Variants in TTC28 observed in about 807,000 individuals in gnomAD.
The protein encoded by TTC28 is tetratricopeptide repeat domain 28.
TTC28 carries 61 observed loss-of-function variants against 198.0 expected under a neutral mutation model. That is an observed-to-expected ratio of 0.31 (90% confidence interval 0.25 to 0.38). The LOEUF (loss-of-function observed/expected upper bound fraction) is 0.38. Among genes scored for constraint, TTC28 ranks in the 10% least tolerant of loss-of-function variants. TTC28 has a pLI of 1.00. For missense variants in TTC28, 2,678 were observed against 3,164.0 expected, an observed-to-expected ratio of 0.85 and a Z score of 3.69; for synonymous variants, 1,171 against 1,297.8, an observed-to-expected ratio of 0.90 and a Z score of 2.10.
intron 2 of TTC28, among the ~76,000 whole-genome samples, chr22:28,420,257 A>G (rs887395983): frequency 3.3e-5 from 5 of 152,216 alleles, no homozygotes; most frequent in African/African-American, 9.6e-5. Context: ...TAAATTCACA[A>G]TTTGATAACT....
At chr22:28,510,854 C>G (rs2048678189) in intron 2 of TTC28, among the ~76,000 whole-genome samples, 2 of 151,866 alleles carry the variant, frequency 1.3e-5, no homozygotes, top group Non-Finnish European at 2.9e-5. Context: ...CATTCCTATA[C>G]ACCAATAACA....
chr22:28,381,821 T>C (rs2046500978), intron 2 of TTC28, among the ~76,000 whole-genome samples: 1 of 152,164 alleles, frequency 6.6e-6, no homozygotes, highest in Non-Finnish European at 1.5e-5. Context: ...CCTTTAAGAA[T>C]TATGTTCTAT....
At chr22:28,387,619 T>G (rs1343010742) in intron 2 of TTC28, among the ~76,000 whole-genome samples, 1 of 152,326 alleles carries the variant, frequency 6.6e-6, no homozygotes, top group East Asian at 1.9e-4. Context: ...TTCTCATGTG[T>G]TTTTTGGCTG....
At chr22:28,406,493 G>A (rs951278470) in intron 2 of TTC28, among the ~76,000 whole-genome samples, 3 of 152,158 alleles carry the variant, frequency 2.0e-5, no homozygotes, top group Admixed American at 6.5e-5. Flanking sequence ...GTGTAGCGGA[G>A]GAACAGCCTG....
intron 5 of TTC28, among the ~76,000 whole-genome samples, chr22:28,278,650 AAG>A (rs2044518662): frequency 6.6e-6 from 1 of 152,204 alleles, no homozygotes. Flanking sequence ...ACTTTCTTGC[AAG>A]AGAGAGGTGA....
intron 5 of TTC28, among the ~76,000 whole-genome samples, chr22:28,269,120 T>C (rs749883253): frequency 6.6e-6 from 1 of 152,124 alleles, no homozygotes; most frequent in Non-Finnish European, 1.5e-5. Context: ...GCACTAATTT[T>C]ATTATACCTA....
At chr22:28,212,265 A>G (rs1190639560) in intron 5 of TTC28, among the ~76,000 whole-genome samples, 1 of 152,052 alleles carries the variant, frequency 6.6e-6, no homozygotes, top group Non-Finnish European at 1.5e-5. Flanking sequence ...AAGGCAAGAA[A>G]TAACTAAGAT....
intron 1 of TTC28, among the ~76,000 whole-genome samples, chr22:28,659,743 C>A (rs992378160): frequency 6.6e-6 from 1 of 151,954 alleles, no homozygotes; most frequent in African/African-American, 2.4e-5. Flanking sequence ...GCCTGGGTGA[C>A]AGGGCCAGAC....
intron 5 of TTC28, among the ~76,000 whole-genome samples, chr22:28,183,875 T>C (rs146076121): frequency 2.6e-5 from 4 of 152,334 alleles, no homozygotes; most frequent in Non-Finnish European, 5.9e-5. Context: ...TTTTAAAACA[T>C]AGTACTATGC....
intron 3 of TTC28, among the ~76,000 whole-genome samples, chr22:28,304,173 T>C (rs773508893): frequency 1.3e-3 from 201 of 151,954 alleles, no homozygotes; most frequent in Middle Eastern, 3.4e-3. Flanking sequence ...TAGTCCCAGC[T>C]ACTCAGGAGG....
intron 2 of TTC28, among the ~76,000 whole-genome samples, chr22:28,435,030 T>A (rs2047496771): frequency 6.6e-6 from 1 of 152,200 alleles, no homozygotes; most frequent in South Asian, 2.1e-4. Context: ...GATAGATAAA[T>A]TTCATTCTTT....
intron 2 of TTC28, among the ~76,000 whole-genome samples, chr22:28,463,796 GAT>G (rs1396493859): frequency 6.6e-6 from 1 of 152,038 alleles, no homozygotes; most frequent in African/African-American, 2.4e-5. Flanking sequence ...AGCATTGGGA[GAT>G]ATACCTAATG....
At chr22:28,073,829 G>A (rs531052913) in intron 12 of TTC28, among the ~76,000 whole-genome samples, 8 of 152,298 alleles carry the variant, frequency 5.3e-5, no homozygotes, top group African/African-American at 1.9e-4. Context: ...GACACAGAAG[G>A]AGCTGACTTA....
At chr22:28,178,048 C>T (rs1923335333) in intron 5 of TTC28, among the ~76,000 whole-genome samples, 1 of 148,528 alleles carries the variant, frequency 6.7e-6, no homozygotes, top group Admixed American at 6.7e-5. Context: ...AATAATGTAC[C>T]ATACTAATGC....
intron 12 of TTC28, among the ~76,000 whole-genome samples, chr22:28,065,468 G>A (rs960397109): frequency 2.6e-5 from 4 of 151,974 alleles, no homozygotes; most frequent in South Asian, 2.1e-4. Flanking sequence ...TAAAATGGTC[G>A]GGCCAACAAG....
intron 2 of TTC28, among the ~76,000 whole-genome samples, chr22:28,472,592 GTA>G (rs1555881087): frequency 6.3e-5 from 9 of 143,234 alleles, no homozygotes; most frequent in Non-Finnish European, 1.2e-4. Flanking sequence ...GTGTGTGTGT[GTA>G]TCCTCAAATA....
At chr22:28,221,166 G>A (rs1400311252) in intron 5 of TTC28, among the ~76,000 whole-genome samples, 1 of 152,098 alleles carries the variant, frequency 6.6e-6, no homozygotes, top group African/African-American at 2.4e-5. Flanking sequence ...GGCCCTAGGA[G>A]GAGGAAGAGG....
At chr22:28,368,649 A>G (rs1448324651) in intron 2 of TTC28, among the ~76,000 whole-genome samples, 1 of 152,112 alleles carries the variant, frequency 6.6e-6, no homozygotes, top group Admixed American at 6.5e-5. Flanking sequence ...GGAAAAACCT[A>G]AAGACTCCAC....
chr22:28,605,574 C>T (rs561370558), intron 2 of TTC28, among the ~76,000 whole-genome samples: 1 of 152,076 alleles, frequency 6.6e-6, no homozygotes, highest in African/African-American at 2.4e-5. Flanking sequence ...TGATTTTCCC[C>T]AACACAGAAG....
Sources: gnomAD v4.1 joint callset for allele counts (sites outside exome capture counted in the v4.1 genomes callset) on GRCh38, gnomAD v4.1.1 for gene constraint, MANE v1.5 for transcripts, NCBI Gene and HGNC (gene_info 2026-07-23, HGNC 2026-07-21) for gene names.